Variants in XKR6 observed in about 807,000 individuals in gnomAD.
The protein encoded by XKR6 is XK-related protein 6.
Under a neutral mutation model 56.7 loss-of-function variants are expected in XKR6, and 22 were observed. The ratio of observed to expected loss-of-function variants is 0.39; its 90% CI spans 0.28 to 0.55. The LOEUF is 0.55. Among genes scored for constraint, XKR6 ranks in the 20% least tolerant of loss-of-function variants. XKR6 has a pLI of 0.66. For synonymous variants in XKR6, 524 were observed against 387.8 expected, an observed-to-expected ratio of 1.35 and a Z score of -4.13; for missense variants, 852 against 889.0, an observed-to-expected ratio of 0.96 and a Z score of 0.53.
At chr8:11,161,552 G>A (rs1801812442) in intron 1 of XKR6, among the ~76,000 whole-genome samples, 1 of 152,186 alleles carries the variant, frequency 6.6e-6, no homozygotes, top group Non-Finnish European at 1.5e-5. Context: ...TCATCCCCAT[G>A]CTGGGGCACA....
chr8:11,193,365 C>T (rs369455573), intron 1 of XKR6, among the ~76,000 whole-genome samples: 1 of 151,994 alleles, frequency 6.6e-6, no homozygotes, highest in Admixed American at 6.5e-5. Context: ...CTGTAAAATA[C>T]CATAGGGTGC....
intron 1 of XKR6, among the ~76,000 whole-genome samples, chr8:10,985,334 T>A (rs1190326879): frequency 6.6e-6 from 1 of 152,144 alleles, no homozygotes; most frequent in African/African-American, 2.4e-5. Context: ...GCACCCACTT[T>A]CTTGCCAGCA....
intron 1 of XKR6, among the ~76,000 whole-genome samples, chr8:11,029,562 G>A (rs1022271945): frequency 1.3e-5 from 2 of 152,076 alleles, no homozygotes; most frequent in African/African-American, 2.4e-5. Flanking sequence ...CCAAGAACTC[G>A]GGCATGGTTG....
At chr8:11,134,196 T>C (rs113858261) in intron 1 of XKR6, among the ~76,000 whole-genome samples, 1 of 152,154 alleles carries the variant, frequency 6.6e-6, no homozygotes, top group South Asian at 2.1e-4. Flanking sequence ...TTCTCCTCTA[T>C]GTCCCCAAAC....
At chr8:11,140,158 G>A (rs1800617801) in intron 1 of XKR6, among the ~76,000 whole-genome samples, 1 of 151,640 alleles carries the variant, frequency 6.6e-6, no homozygotes, top group Non-Finnish European at 1.5e-5. Flanking sequence ...TAAAAAGAAT[G>A]CAAGAGAAGA....
At chr8:10,903,054 G>A (rs1044480240) in intron 2 of XKR6, among the ~76,000 whole-genome samples, 3 of 152,158 alleles carry the variant, frequency 2.0e-5, no homozygotes, top group African/African-American at 7.2e-5. Flanking sequence ...GGTTTCTACT[G>A]GATGCTCAAC....
At chr8:11,098,100 C>T (rs1463950840) in intron 1 of XKR6, among the ~76,000 whole-genome samples, 2 of 152,058 alleles carry the variant, frequency 1.3e-5, no homozygotes, top group Non-Finnish European at 2.9e-5. Flanking sequence ...AGTTTACAGA[C>T]CAGCAGCACT....
At chr8:11,177,260 T>C (rs1254262598) in intron 1 of XKR6, among the ~76,000 whole-genome samples, 2 of 152,188 alleles carry the variant, frequency 1.3e-5, no homozygotes, top group Non-Finnish European at 1.5e-5. Flanking sequence ...AAGCTGTAGA[T>C]TTGCCAACAT....
At chr8:11,100,353 C>A (rs1336403879) in intron 1 of XKR6, among the ~76,000 whole-genome samples, 1 of 152,192 alleles carries the variant, frequency 6.6e-6, no homozygotes, top group Non-Finnish European at 1.5e-5. Context: ...ATCCACTTGG[C>A]CTCATTTTTA....
chr8:11,116,080 C>T (rs764322983), intron 1 of XKR6, among the ~76,000 whole-genome samples: 5 of 152,266 alleles, frequency 3.3e-5, no homozygotes, highest in South Asian at 2.1e-4. Context: ...ACATTTCCCA[C>T]GGATGTTCGT....
At chr8:10,932,887 C>T (rs1254475489) in intron 1 of XKR6, among the ~76,000 whole-genome samples, 3 of 140,218 alleles carry the variant, frequency 2.1e-5, no homozygotes, top group Non-Finnish European at 4.7e-5. Context: ...AATAAACATA[C>T]GTGTGCATGT....
chr8:11,068,104 G>A (rs920933421), intron 1 of XKR6, among the ~76,000 whole-genome samples: 5 of 152,190 alleles, frequency 3.3e-5, no homozygotes, highest in African/African-American at 4.8e-5. Flanking sequence ...TTGATTTAGG[G>A]AAAAACTCAC....
chr8:10,914,636 G>T (rs1213721116), intron 2 of XKR6, among the ~76,000 whole-genome samples: 1 of 152,232 alleles, frequency 6.6e-6, no homozygotes, highest in African/African-American at 2.4e-5. Context: ...ACCCAGAGAA[G>T]ATGAGATTGG....
intron 1 of XKR6, among the ~76,000 whole-genome samples, chr8:11,017,057 TC>T (rs1452055669): frequency 6.6e-6 from 1 of 152,226 alleles, no homozygotes; most frequent in East Asian, 1.9e-4. Flanking sequence ...TATGGATAGA[TC>T]ATAGACAGAT....
At chr8:11,055,535 G>A (rs995322571) in intron 1 of XKR6, among the ~76,000 whole-genome samples, 1 of 152,148 alleles carries the variant, frequency 6.6e-6, no homozygotes, top group East Asian at 1.9e-4. Flanking sequence ...TGCAGGGAGC[G>A]GCATGGGGTT....
intron 1 of XKR6, among the ~76,000 whole-genome samples, chr8:10,969,620 C>G (rs1802340562): frequency 6.6e-6 from 1 of 152,196 alleles, no homozygotes; most frequent in Admixed American, 6.5e-5. Flanking sequence ...GCTGGTGGGA[C>G]AGTCATCCTG....
intron 1 of XKR6, among the ~76,000 whole-genome samples, chr8:11,199,390 T>A (rs1348746880): frequency 6.6e-6 from 1 of 152,262 alleles, no homozygotes; most frequent in African/African-American, 2.4e-5. Context: ...GACAGCAGAC[T>A]TTATTTCAGC....
intron 1 of XKR6, among the ~76,000 whole-genome samples, chr8:10,950,440 C>G (rs1801684531): frequency 6.6e-6 from 1 of 152,198 alleles, no homozygotes; most frequent in African/African-American, 2.4e-5. Flanking sequence ...GGGTCCAGGC[C>G]TTTCCTGTCA....
intron 1 of XKR6, among the ~76,000 whole-genome samples, chr8:11,110,117 T>G (rs1204136424): frequency 6.6e-6 from 1 of 151,914 alleles, no homozygotes; most frequent in Non-Finnish European, 1.5e-5. Flanking sequence ...GGATTACAGG[T>G]GCCCGCCACC....
Sources: gnomAD v4.1 joint callset for allele counts (sites outside exome capture counted in the v4.1 genomes callset) on GRCh38, gnomAD v4.1.1 for gene constraint, MANE v1.5 for transcripts, NCBI Gene and HGNC (gene_info 2026-07-23, HGNC 2026-07-21) for gene names.